RAP1GDS1: variants seen among roughly 807,000 people sequenced by gnomAD.
RAP1GDS1 encodes RAP1, GTP-GDP dissociation stimulator 1.
A neutral mutation model predicts 71.1 loss-of-function variants in RAP1GDS1; 35 were observed. The ratio of observed to expected loss-of-function variants is 0.49; its 90% CI spans 0.38 to 0.65. The LOEUF (loss-of-function observed/expected upper bound fraction) is 0.65, where lower values mean the gene tolerates loss of function less well. Ranked by LOEUF, RAP1GDS1 falls within the 30% of genes least tolerant of loss-of-function variation. The pLI is 0.00. For missense variants in RAP1GDS1, 663 were observed against 706.1 expected (o/e 0.94, Z 0.69); for synonymous variants, 229 against 243.1 (o/e 0.94, Z 0.54).
chr4:98,336,127 G>A (rs1734690220), intron 2 of RAP1GDS1, among the ~76,000 whole-genome samples: 5 of 151,850 alleles, frequency 3.3e-5, no homozygotes, highest in Admixed American at 3.3e-4. Context: ...ATGTTTTATT[G>A]TGTCCTCATT....
intron 1 of RAP1GDS1, among the ~76,000 whole-genome samples, chr4:98,281,321 C>A (rs921982350): frequency 1.3e-5 from 2 of 152,120 alleles, no homozygotes; most frequent in Non-Finnish European, 2.9e-5. Flanking sequence ...TTGAAGAGGT[C>A]GTTCACATCC....
At chr4:98,417,197 T>C (rs1330252270) in intron 8 of RAP1GDS1, among the ~76,000 whole-genome samples, 170 bp from the exon 9 acceptor site, 1 of 152,190 alleles carries the variant, frequency 6.6e-6, no homozygotes, top group Non-Finnish European at 1.5e-5. Context: ...CTAGACTCTA[T>C]TGTCTAGTAT....
At chr4:98,391,050 T>C (rs756286807) in intron 5 of RAP1GDS1, among the ~76,000 whole-genome samples, 2 of 152,196 alleles carry the variant, frequency 1.3e-5, no homozygotes, top group South Asian at 2.1e-4. Context: ...TGGACAGTTA[T>C]AGTGTTTTGC....
chr4:98,325,311 T>G (rs1431855059), intron 2 of RAP1GDS1, among the ~76,000 whole-genome samples: 1 of 151,044 alleles, frequency 6.6e-6, no homozygotes, highest in Non-Finnish European at 1.5e-5. Context: ...GGAACACTTT[T>G]ACACTGTTGG....
intron 2 of RAP1GDS1, among the ~76,000 whole-genome samples, chr4:98,334,062 GTTT>G (rs938110738): frequency 6.6e-6 from 1 of 152,048 alleles, no homozygotes; most frequent in Non-Finnish European, 1.5e-5. Flanking sequence ...ATTTATCAAA[GTTT>G]TTTTAAGTCA....
At chr4:98,376,917 T>C (rs960162715) in intron 4 of RAP1GDS1, among the ~76,000 whole-genome samples, 3 of 151,928 alleles carry the variant, frequency 2.0e-5, no homozygotes, top group African/African-American at 7.2e-5. Flanking sequence ...TGCTTTTAAT[T>C]GTATTGTGTT....
chr4:98,277,980 A>C lies in RAP1GDS1; in HGVS notation c.5-15428A>C, dbSNP rs931518128. 3.9e-4 allele frequency among the ~76,000 whole-genome samples: 59 copies of C among 152,244 alleles called. 1 individual carries two copies. The highest frequency in any genetic ancestry group is 6.5e-5 in the Admixed American group (1 of 15,284). On this transcript the variant is annotated intron_variant, in intron 1 of 14. Transcript: ENST00000408927. ...GGTGGCTTACGCCTGTAATCTCAGC[A>C]CTTTGGGAGGCCAAGGCGGATGTGT...
intron 1 of RAP1GDS1, among the ~76,000 whole-genome samples, chr4:98,292,450 TA>T (rs1030586617): frequency 1.3e-5 from 2 of 151,914 alleles, no homozygotes; most frequent in Non-Finnish European, 1.5e-5. Context: ...TCTAAAAATG[TA>T]AAACAATGCC....
chr4:98,303,667 T>TATAA (rs397696253), intron 2 of RAP1GDS1, among the ~76,000 whole-genome samples: 2 of 148,594 alleles, frequency 1.3e-5, no homozygotes, highest in Non-Finnish European at 1.5e-5. Context: ...TATAATATAA[T>TATAA]TGGGGTATTC....
intron 2 of RAP1GDS1, among the ~76,000 whole-genome samples, chr4:98,333,014 G>A (rs983536270): frequency 1.9e-4 from 29 of 152,032 alleles, no homozygotes; most frequent in Admixed American, 7.2e-4. Flanking sequence ...CTTAAATAAC[G>A]CACCATCTTT....
intron 6 of RAP1GDS1, among the ~76,000 whole-genome samples, chr4:98,397,488 A>G (rs1447652214): frequency 6.6e-6 from 1 of 152,180 alleles, no homozygotes. Flanking sequence ...TAAAAACAAA[A>G]AGCAAACAAA....
intron 3 of RAP1GDS1, among the ~76,000 whole-genome samples, chr4:98,348,824 T>C (rs1468389711): frequency 1.3e-5 from 2 of 152,228 alleles, no homozygotes; most frequent in Non-Finnish European, 2.9e-5. Context: ...GTTTGTTTTT[T>C]TCTTGTAAAT....
intron 4 of RAP1GDS1, among the ~76,000 whole-genome samples, chr4:98,369,508 C>T (rs1740037146): frequency 6.6e-6 from 1 of 152,082 alleles, no homozygotes; most frequent in Non-Finnish European, 1.5e-5. Context: ...AGCGGTATAT[C>T]CAAACAATGG....
rs773279151 is a variant in RAP1GDS1, at chr4:98,418,682, C to T, written c.1065C>T (p.Asp355=). The T allele has an allele frequency of 1.9e-6, 3 of 1,604,724 alleles. No individual in the cohort carries two copies. The South Asian group carries it at 3.4e-5, about 18-fold the overall frequency. ...RNDANCIHMV[D]NGIVEKLMDL... is the part of the protein sequence containing the mutation. ...ATGCAAATTGTATTCATATGGTAGA[C>T]AATGGGATTGTAGAAAAACTTATGG... Residue 355 remains aspartate (D), a synonymous_variant, in exon 10 of 15, where the codon GAC becomes GAT. Coordinates refer to ENST00000408927, the MANE Select transcript of RAP1GDS1 (RefSeq NM_001100427.2).
chr4:98,352,716 C>T, intron 4 of RAP1GDS1, 115 bp downstream of exon 4: 1 of 1,102,022 alleles, frequency 9.1e-7, no homozygotes, highest in South Asian at 1.7e-5. Flanking sequence ...CATGGGCCGG[C>T]ATGATTCAGC....
chr4:98,278,814 T>A (rs894221785), intron 1 of RAP1GDS1, among the ~76,000 whole-genome samples: 3 of 152,216 alleles, frequency 2.0e-5, no homozygotes, highest in Non-Finnish European at 4.4e-5. Context: ...AGGACTTCAC[T>A]AGCCTAAACC....
intron 2 of RAP1GDS1, among the ~76,000 whole-genome samples, chr4:98,309,991 G>A (rs1477337596): frequency 6.6e-6 from 1 of 151,940 alleles, no homozygotes; most frequent in Non-Finnish European, 1.5e-5. Context: ...AGAATAGTTG[G>A]TGAGTATTCA....
chr4:98,379,992 G>T (rs1027104169), intron 5 of RAP1GDS1, among the ~76,000 whole-genome samples: 11 of 150,388 alleles, frequency 7.3e-5, no homozygotes, highest in Non-Finnish European at 3.0e-5. Flanking sequence ...TTACTTTCGT[G>T]TGTTGTAGAA....
intron 4 of RAP1GDS1, among the ~76,000 whole-genome samples, chr4:98,356,857 A>G (rs1738048497): frequency 6.6e-6 from 1 of 151,982 alleles, no homozygotes; most frequent in Non-Finnish European, 1.5e-5. Context: ...ATTCATTGAC[A>G]TCAAGTATAA....
Sources: allele counts gnomAD v4.1 joint callset (sites outside exome capture counted in the v4.1 genomes callset), GRCh38; gene constraint gnomAD v4.1.1; transcripts MANE v1.5; gene names NCBI Gene and HGNC (gene_info 2026-07-23, HGNC 2026-07-21).